The following RANBP17 variants were observed in gnomAD, a reference collection of about 807,000 sequenced individuals.
The protein encoded by RANBP17 is ran-binding protein 17.
Under a neutral mutation model 141.2 loss-of-function variants are expected in RANBP17, and 158 were observed. That is an observed-to-expected ratio of 1.12 (90% CI 0.98 to 1.28). The LOEUF is 1.28. Ranked by LOEUF, RANBP17 falls within the 50% of genes most tolerant of loss-of-function variation. The pLI, the probability that RANBP17 is intolerant of heterozygous loss-of-function variation, is 0.00. For missense variants in RANBP17, 1,438 were observed against 1,290.7 expected, an observed-to-expected ratio of 1.11 and a Z score of -1.75; for synonymous variants, 430 against 450.0, an observed-to-expected ratio of 0.96 and a Z score of 0.56.
intron 22 of RANBP17, among the ~76,000 whole-genome samples, chr5:171,234,949 A>G (rs1302361449): frequency 6.6e-6 from 1 of 152,180 alleles, no homozygotes; most frequent in African/African-American, 2.4e-5. Context: ...CAGCACACCT[A>G]CTACAACTAG....
chr5:170,984,606 A>G (rs1050636866), intron 14 of RANBP17, among the ~76,000 whole-genome samples: 1 of 152,144 alleles, frequency 6.6e-6, no homozygotes, highest in Non-Finnish European at 1.5e-5. Flanking sequence ...AGCTTGGATG[A>G]GGCAGCAAGA....
intron 1 of RANBP17, among the ~76,000 whole-genome samples, chr5:170,876,319 T>C (rs111889709): frequency 2.3e-4 from 35 of 152,260 alleles, no homozygotes; most frequent in African/African-American, 8.4e-4. Context: ...GATTTGCATG[T>C]TGTTTTGGTT....
intron 14 of RANBP17, among the ~76,000 whole-genome samples, chr5:171,024,239 G>T (rs566460930): frequency 6.6e-6 from 1 of 152,218 alleles, no homozygotes; most frequent in East Asian, 1.9e-4. Context: ...GAGTAATGGG[G>T]GAAAGAGTAT....
intron 14 of RANBP17, among the ~76,000 whole-genome samples, chr5:171,120,594 A>C (rs1382110819): frequency 6.6e-6 from 1 of 152,142 alleles, no homozygotes; most frequent in African/African-American, 2.4e-5. Flanking sequence ...TGCATTTCTC[A>C]TTCAAATTGG....
chr5:171,132,332 G>A (rs545404341), intron 14 of RANBP17, among the ~76,000 whole-genome samples: 3 of 151,908 alleles, frequency 2.0e-5, no homozygotes, highest in South Asian at 2.1e-4. Context: ...AGGAAGGCTG[G>A]CTTAAATTAT....
At position 170,968,349 on chromosome 5, in the gene RANBP17, T is replaced by C. The variant is rs1240860772; in HGVS notation, c.1682T>C (p.Val561Ala). The change falls in exon 14 of 28, where the codon GTT (valine) becomes GCT (alanine). Residue 561 changes from valine to alanine, a missense_variant. By Grantham distance (64) the Val-to-Ala change is moderately conservative. Coordinates refer to ENST00000523189, the MANE Select transcript of RANBP17 (RefSeq NM_022897.5). ...WFLDQFRKTY[V>A]GDQLQRTSKV... ...TTGGATCAGTTTCGTAAAACATATG[T>C]TGGTGATCAACTTCAAAGAACCTCA... The C allele has an allele frequency of 1.2e-6, 2 of 1,607,102 alleles. No homozygotes were observed. The highest frequency in any genetic ancestry group is 1.7e-5 in the Admixed American group (1 of 58,698).
chr5:171,133,256 C>T (rs980910939), intron 14 of RANBP17, among the ~76,000 whole-genome samples: 3 of 152,116 alleles, frequency 2.0e-5, no homozygotes, highest in Non-Finnish European at 4.4e-5. Flanking sequence ...AAAAATAATA[C>T]ATTTACACAT....
chr5:171,181,374 T>C (rs1760848887), intron 16 of RANBP17, among the ~76,000 whole-genome samples: 1 of 151,374 alleles, frequency 6.6e-6, no homozygotes, highest in African/African-American at 2.4e-5. Context: ...CACTTGAACC[T>C]GGGCGGGAAG....
At chr5:171,156,894 G>A (rs1354850698) in intron 14 of RANBP17, among the ~76,000 whole-genome samples, 1 of 151,934 alleles carries the variant, frequency 6.6e-6, no homozygotes, top group Non-Finnish European at 1.5e-5. Flanking sequence ...TTTTCTCCGG[G>A]GCATTTTTCC....
At chr5:171,010,772 A>C (rs1581389374) in intron 14 of RANBP17, among the ~76,000 whole-genome samples, 1 of 152,332 alleles carries the variant, frequency 6.6e-6, no homozygotes, top group Middle Eastern at 3.4e-3. Context: ...GAGTCTTATG[A>C]ATAAGTTTAT....
chr5:171,098,429 TTTC>T (rs1185264733), intron 14 of RANBP17, among the ~76,000 whole-genome samples: 1 of 152,220 alleles, frequency 6.6e-6, no homozygotes, highest in Non-Finnish European at 1.5e-5. Context: ...GCCACATAAA[TTTC>T]TTCTTTTGAG....
intron 3 of RANBP17, among the ~76,000 whole-genome samples, chr5:170,891,388 A>G (rs1187622851): frequency 1.3e-5 from 2 of 152,214 alleles, no homozygotes; most frequent in African/African-American, 4.8e-5. Flanking sequence ...CTGAAATAGT[A>G]TGGAAAGATA....
At chr5:171,063,599 C>T (rs1314280388) in intron 14 of RANBP17, among the ~76,000 whole-genome samples, 5 of 152,204 alleles carry the variant, frequency 3.3e-5, no homozygotes, top group African/African-American at 4.8e-5. Context: ...TTAGGCTGCT[C>T]GGGGGTCAGG....
At chr5:171,209,503 T>G (rs946445337) in intron 20 of RANBP17, among the ~76,000 whole-genome samples, 5 of 152,150 alleles carry the variant, frequency 3.3e-5, no homozygotes, top group Non-Finnish European at 7.3e-5. Context: ...TTTTTTTAGT[T>G]TTATTTCTGT....
intron 14 of RANBP17, among the ~76,000 whole-genome samples, chr5:171,119,928 A>G (rs1298368661): frequency 6.6e-6 from 1 of 151,286 alleles, no homozygotes; most frequent in Non-Finnish European, 1.5e-5. Flanking sequence ...AATCCCAGCT[A>G]CTCGGGAGGC....
intron 14 of RANBP17, among the ~76,000 whole-genome samples, chr5:171,048,513 T>G (rs1782743524): frequency 1.3e-5 from 2 of 152,132 alleles, no homozygotes; most frequent in Admixed American, 6.6e-5. Flanking sequence ...GGGGTACATG[T>G]GCAGGTTTGT....
chr5:171,246,215 A>G (rs545656585), intron 24 of RANBP17, among the ~76,000 whole-genome samples: 14 of 152,270 alleles, frequency 9.2e-5, no homozygotes, highest in African/African-American at 3.1e-4. Flanking sequence ...TGTTCAGACA[A>G]ACACTGGAGA....
chr5:170,967,696 A>G (rs181421322), intron 13 of RANBP17, among the ~76,000 whole-genome samples: 16 of 151,768 alleles, frequency 1.1e-4, no homozygotes, highest in Admixed American at 9.2e-4. Flanking sequence ...TTGATTTTGT[A>G]AAGATCACCT....
At chr5:171,290,761 T>A (rs976768485) in intron 25 of RANBP17, among the ~76,000 whole-genome samples, 3 of 152,220 alleles carry the variant, frequency 2.0e-5, no homozygotes, top group Non-Finnish European at 4.4e-5. Context: ...ATCTCATTTA[T>A]CTGTATCTAA....
Sources: allele counts gnomAD v4.1 joint callset (sites outside exome capture counted in the v4.1 genomes callset), GRCh38; gene constraint gnomAD v4.1.1; transcripts MANE v1.5; gene names NCBI Gene and HGNC (gene_info 2026-07-23, HGNC 2026-07-21).